Variants in DRGX observed in about 807,000 individuals in gnomAD.
DRGX encodes dorsal root ganglia homeobox protein.
In DRGX, 21 loss-of-function variants were observed where a neutral mutation model predicts 28.6. The ratio of observed to expected loss-of-function variants is 0.73; its 90% CI spans 0.52 to 1.06. The LOEUF (loss-of-function observed/expected upper bound fraction) is 1.06. Ranked by LOEUF, DRGX falls within the 50% of genes least tolerant of loss-of-function variation. DRGX has a pLI of 0.00. For synonymous variants in DRGX, 136 were observed against 139.1 expected (o/e 0.98, Z 0.16); for missense variants, 354 against 343.9 (o/e 1.03, Z -0.23).
intron 6 of DRGX, among the ~76,000 whole-genome samples, chr10:49,373,505 G>A (rs1805444215): frequency 6.6e-6 from 1 of 152,162 alleles, no homozygotes; most frequent in South Asian, 2.1e-4. Flanking sequence ...GCATTGGGAG[G>A]TGGGGCTTTT....
At chr10:49,375,903 G>T (rs1849711673) in intron 6 of DRGX, among the ~76,000 whole-genome samples, 1 of 152,060 alleles carries the variant, frequency 6.6e-6, no homozygotes, top group African/African-American at 2.4e-5. Context: ...GCTGCCTCTG[G>T]CACCAGCCAG....
intron 1 of DRGX, 70 bp downstream of exon 1, chr10:49,395,865 G>C: frequency 4.9e-6 from 1 of 205,940 alleles, no homozygotes; most frequent in Non-Finnish European, 9.8e-6. Context: ...TGCAGCTCAG[G>C]CCAGGAAGGC....
intron 2 of DRGX, 55 bp from the exon 3 acceptor site, chr10:49,391,316 GC>G (rs1849902477): frequency 6.8e-7 from 1 of 1,468,404 alleles, no homozygotes; most frequent in Non-Finnish European, 9.4e-7. Flanking sequence ...TCCTCAGACC[GC>G]CCCCAGACAC....
rs1469042678 is a variant in DRGX at position 49,364,459 on chromosome 10, A to T, written c.*1657T>A. ...GCTGTTAAGTATTCTTAATTTGCTCAACAGTTCACTTATTTATGTACCTTT... is the reference window on the plus strand; with the variant it reads ...GCTGTTAAGTATTCTTAATTTGCTCTACAGTTCACTTATTTATGTACCTTT... On this transcript the variant is annotated 3_prime_UTR_variant, in exon 7 of 7. Coordinates refer to ENST00000374139, the MANE Select transcript of DRGX (RefSeq NM_001276451.2). 2 of 152,220 alleles carry T rather than the reference A, an allele frequency of 1.3e-5. No homozygotes were observed. The highest frequency in any genetic ancestry group is 2.9e-5 in the Non-Finnish European group (2 of 68,038). The allele number at this position is 152,220 out of a possible 1,614,324, so 9.4% of individuals were successfully genotyped here.
At chr10:49,378,870 T>C (rs561669908) in intron 6 of DRGX, among the ~76,000 whole-genome samples, 114 of 152,280 alleles carry the variant, frequency 7.5e-4, no homozygotes, top group African/African-American at 2.6e-3. Flanking sequence ...TGTGTGTGTA[T>C]ATGCATGTGT....
At chr10:49,379,857 A>G (rs1849755324) in intron 6 of DRGX, among the ~76,000 whole-genome samples, 1 of 152,206 alleles carries the variant, frequency 6.6e-6, no homozygotes, top group Non-Finnish European at 1.5e-5. Flanking sequence ...ACAGCGTCCA[A>G]GGCCTCTGCG....
intron 1 of DRGX, 63 bp from the exon 2 acceptor site, chr10:49,395,584 G>A (rs1045664114): frequency 1.0e-6 from 1 of 966,570 alleles, no homozygotes; most frequent in Non-Finnish European, 1.6e-6. Context: ...CCCAGCCCTA[G>A]GGCGCACCCG....
chr10:49,394,402 T>C (rs573980136), intron 2 of DRGX, among the ~76,000 whole-genome samples: 1 of 152,280 alleles, frequency 6.6e-6, no homozygotes, highest in Admixed American at 6.5e-5. Context: ...GCCCCTTGTC[T>C]CCCACAACTA....
At chr10:49,368,281 G>A (rs1017051023) in intron 6 of DRGX, among the ~76,000 whole-genome samples, 1 of 152,334 alleles carries the variant, frequency 6.6e-6, no homozygotes, top group South Asian at 2.1e-4. Flanking sequence ...ATTGTAATGG[G>A]AGGTTTAAAT....
chr10:49,385,271 AC>A (rs1347450283), intron 6 of DRGX, among the ~76,000 whole-genome samples: 1 of 152,060 alleles, frequency 6.6e-6, no homozygotes, highest in East Asian at 1.9e-4. Context: ...CAGGGGATGC[AC>A]CCAGCTGCCT....
Position 49,376,090 on chromosome 10 carries a change from G to C in DRGX, c.527-9709C>G, listed in dbSNP as rs549966536. On this transcript the variant is annotated intron_variant, in intron 6 of 6. Transcript: ENST00000374139. The stretch of plus-strand genomic sequence containing the variant: ...AATACAGGGTGTAGGGGGCTGGAAG[G>C]TTGCACACCCAGGTCCCTGAATTGT... Among the ~76,000 whole-genome samples the C allele has an allele frequency of 8.5e-4, 129 of 152,252 alleles. 1 individual carries two copies. Among genetic ancestry groups the C allele is most frequent in the African/African-American group, 3.0e-3 (124 of 41,532 alleles).
In DRGX at chr10:49,366,363, C is replaced by A; in HGVS notation, c.545G>T (p.Cys182Phe). ...ASLKGGPLCS[C>F]CVPDPMGLSF... ...GAGTCCCATGGGGTCTGGGACGCAGCAAGAGCACAGTGGGCCCCCTGGAAA... is the reference window on the plus strand; with the variant it reads ...GAGTCCCATGGGGTCTGGGACGCAGAAAGAGCACAGTGGGCCCCCTGGAAA... Residue 182 changes from cysteine to phenylalanine, a missense_variant, in exon 7 of 7, where the codon TGC (cysteine) becomes TTC (phenylalanine). Physicochemically the swap from Cys to Phe is radical, Grantham distance 205 (BLOSUM62 -2). Coordinates refer to ENST00000374139, the MANE Select transcript of DRGX (RefSeq NM_001276451.2). 2 of 1,608,746 alleles carry A rather than the reference C, an allele frequency of 1.2e-6. No homozygotes were observed. The highest frequency in any genetic ancestry group is 1.7e-6 in the Non-Finnish European group (2 of 1,176,040).
At position 49,365,946 on chromosome 10, in the gene DRGX, G is replaced by T; in HGVS notation, c.*170C>A. 1 of 723,076 alleles carries T rather than the reference G, an allele frequency of 1.4e-6. No individual in the cohort carries two copies. Among genetic ancestry groups the T allele is most frequent in the Non-Finnish European group, 2.0e-6 (1 of 488,372 alleles). The allele number at this position is 723,076 out of a possible 1,614,324, so 44.8% of individuals were successfully genotyped here. A position where few individuals can be genotyped will look rare whatever the true frequency, so the allele number is the denominator to read the frequency against. On this transcript the variant is annotated 3_prime_UTR_variant, in exon 7 of 7. Transcript: ENST00000374139. ...CTGCCGCACTGGTGGGACTCCAGAG[G>T]GACGCTCCAGGTGCCAAGGGAGCTG...
chr10:49,368,210 A>G (rs1298991137), intron 6 of DRGX, among the ~76,000 whole-genome samples: 1 of 152,122 alleles, frequency 6.6e-6, no homozygotes, highest in Non-Finnish European at 1.5e-5. Context: ...GAGGCTCCAG[A>G]TTTGCACAGT....
At chr10:49,374,685 T>G (rs1849698883) in intron 6 of DRGX, among the ~76,000 whole-genome samples, 1 of 152,218 alleles carries the variant, frequency 6.6e-6, no homozygotes, top group South Asian at 2.1e-4. Flanking sequence ...ATGTAATAAA[T>G]ACAGTCTGAA....
chr10:49,393,917 G>A (rs935249514), intron 2 of DRGX, among the ~76,000 whole-genome samples: 6 of 152,180 alleles, frequency 3.9e-5, no homozygotes, highest in Non-Finnish European at 8.8e-5. Context: ...CCACCCCGCA[G>A]ACAGACATTC....
intron 6 of DRGX, among the ~76,000 whole-genome samples, chr10:49,371,511 G>T (rs1322793918): frequency 6.6e-6 from 1 of 152,138 alleles, no homozygotes; most frequent in Non-Finnish European, 1.5e-5. Flanking sequence ...AAAAAAATTA[G>T]CCAGGTGTGG....
At chr10:49,369,859 C>T (rs115508023) in intron 6 of DRGX, among the ~76,000 whole-genome samples, 5,331 of 152,018 alleles carry the variant, frequency 0.035, 257 homozygotes, top group African/African-American at 0.11. Flanking sequence ...GGCAGCCTGG[C>T]CTGTTTTTAT....
Position 49,366,508 on chromosome 10 carries a change from G to A in DRGX, c.527-127C>T, listed in dbSNP as rs1302314953. The A allele has an allele frequency of 5.1e-6, 7 of 1,359,350 alleles. No homozygotes were observed. In the African/African-American group the frequency reaches 8.8e-5, roughly 17 times the overall value. The allele number at this position is 1,359,350 out of a possible 1,614,324, so 84.2% of individuals were successfully genotyped here. On this transcript the variant is annotated intron_variant, in intron 6 of 6. Transcript: ENST00000374139. ...TTCCCTCTGGTGCCAGATACTAAAG[G>A]GAGAAGGACAAGTGCTCAGAACCTC...
Sources: allele counts gnomAD v4.1 joint callset (sites outside exome capture counted in the v4.1 genomes callset), GRCh38; gene constraint gnomAD v4.1.1; transcripts MANE v1.5; gene names NCBI Gene and HGNC (gene_info 2026-07-23, HGNC 2026-07-21).